PLA2G4C: variants seen among roughly 807,000 people sequenced by gnomAD.
The protein encoded by PLA2G4C is phospholipase A2 group IVC, also known as cytosolic phospholipase A2 gamma.
A neutral mutation model predicts 73.8 loss-of-function variants in PLA2G4C; 64 were observed. The observed-to-expected ratio is 0.87, with a 90% confidence interval of 0.71 to 1.07. The LOEUF (loss-of-function observed/expected upper bound fraction) is 1.07. Among genes scored for constraint, PLA2G4C ranks in the 50% least tolerant of loss-of-function variants. The pLI, the probability that PLA2G4C is intolerant of heterozygous loss-of-function variation, is 0.00. For missense variants in PLA2G4C, 622 were observed against 665.4 expected (o/e 0.93, Z 0.72); for synonymous variants, 254 against 252.1 (o/e 1.01, Z -0.07).
chr19:48,067,604 T>G (rs1968483480), intron 13 of PLA2G4C, among the ~76,000 whole-genome samples, 187 bp downstream of exon 13: 1 of 152,154 alleles, frequency 6.6e-6, no homozygotes, highest in Non-Finnish European at 1.5e-5. Context: ...GCCACACATT[T>G]TTCAGTATGG....
chr19:48,084,972 T>C, intron 10 of PLA2G4C, 87 bp downstream of exon 10: 1 of 957,638 alleles, frequency 1.0e-6, no homozygotes, highest in Non-Finnish European at 1.7e-6. Flanking sequence ...CACAGGCCTC[T>C]TTTCTGCCAC....
chr19:48,077,635 G>C, intron 11 of PLA2G4C, 136 bp downstream of exon 11: 1 of 589,530 alleles, frequency 1.7e-6, no homozygotes, highest in South Asian at 2.9e-5. Flanking sequence ...GCACCTGGGA[G>C]AGTCCATGCT....
chr19:48,079,798 T>C (rs2030423438), intron 10 of PLA2G4C, among the ~76,000 whole-genome samples: 1 of 152,086 alleles, frequency 6.6e-6, no homozygotes, highest in South Asian at 2.1e-4. Context: ...CCATCTCTAT[T>C]AAAAATACAA....
intron 2 of PLA2G4C, among the ~76,000 whole-genome samples, chr19:48,105,777 T>C (rs2032145053): frequency 6.8e-6 from 1 of 146,328 alleles, no homozygotes; most frequent in African/African-American, 2.6e-5. Context: ...CTGGCCAACA[T>C]GGTGACATAC....
In PLA2G4C at chr19:48,053,666, C is replaced by A. The variant is rs545437114; in HGVS notation, c.1430-519G>T. Among the ~76,000 whole-genome samples, 338 of 136,546 alleles carry A rather than the reference C, an allele frequency of 2.5e-3. 1 individual carries two copies. The highest frequency in any genetic ancestry group is 7.4e-3 in the Middle Eastern group (2 of 272). The allele number at this position is 136,546 out of a possible 152,430, so 89.6% of individuals were successfully genotyped here. A position where few individuals can be genotyped will look rare whatever the true frequency, so the allele number is the denominator to read the frequency against. On this transcript the variant is annotated intron_variant, in intron 15 of 16. Coordinates refer to ENST00000599921, the MANE Select transcript of PLA2G4C (RefSeq NM_003706.3). ...GGGATTACAGGCGTGAGCCACCGCGCCTGGCCCCCTGCTTCCTGTCTTCTT... is the reference window on the plus strand; with the variant it reads ...GGGATTACAGGCGTGAGCCACCGCGACTGGCCCCCTGCTTCCTGTCTTCTT...
At chr19:48,055,823 A>G (rs970127511) in intron 14 of PLA2G4C, among the ~76,000 whole-genome samples, 1 of 151,884 alleles carries the variant, frequency 6.6e-6, no homozygotes, top group Admixed American at 6.6e-5. Context: ...TAGTAGAGAC[A>G]GGGTTTCTCC....
chr19:48,059,923 C>A (rs1968105604), intron 14 of PLA2G4C, among the ~76,000 whole-genome samples: 1 of 151,856 alleles, frequency 6.6e-6, no homozygotes, highest in Non-Finnish European at 1.5e-5. Flanking sequence ...CACCTGCCAC[C>A]ACGCCCAGCT....
chr19:48,061,283 G>C (rs949022927), intron 14 of PLA2G4C: 4 of 151,924 alleles, frequency 2.6e-5, no homozygotes, highest in African/African-American at 9.7e-5. Flanking sequence ...CATGAGGGGA[G>C]GGGAAGGGAG....
intron 14 of PLA2G4C, among the ~76,000 whole-genome samples, chr19:48,059,736 A>T (rs1968094900): frequency 6.7e-6 from 1 of 148,688 alleles, no homozygotes; most frequent in South Asian, 2.1e-4. Context: ...TTGGCTACAG[A>T]CTGAAGGCTG....
rs201353294 is a variant in PLA2G4C, at chr19:48,103,040, C to CGTT, written c.257+1545_257+1547dup. The stretch of plus-strand genomic sequence containing the variant: ...CAAAGCTGTTGAAATATAAGGCTTT[C>CGTT]GTTGTTGTTGTTTGTAGAGATGGGG... On this transcript the variant is annotated intron_variant, in intron 4 of 16. Transcript: ENST00000599921. 5.9e-5 allele frequency among the ~76,000 whole-genome samples: 9 copies of CGTT among 152,224 alleles called. No homozygotes were observed. In the East Asian group the frequency reaches 1.7e-3, roughly 29 times the overall value.
At chr19:48,084,829 A>C (rs1463385250) in intron 10 of PLA2G4C, among the ~76,000 whole-genome samples, 2 of 152,226 alleles carry the variant, frequency 1.3e-5, no homozygotes, top group African/African-American at 2.4e-5. Context: ...CACAAAGCTC[A>C]CATGTACCAC....
intron 10 of PLA2G4C, among the ~76,000 whole-genome samples, chr19:48,079,743 GGGC>G (rs1358498755): frequency 2.0e-5 from 3 of 152,218 alleles, no homozygotes; most frequent in Non-Finnish European, 4.4e-5. Context: ...AGGCCCAGCT[GGGC>G]GGATCTTCAG....
At chr19:48,070,174 G>C (rs1968603630) in intron 12 of PLA2G4C, among the ~76,000 whole-genome samples, 1 of 152,188 alleles carries the variant, frequency 6.6e-6, no homozygotes, top group Non-Finnish European at 1.5e-5. Flanking sequence ...CCTGCCTATA[G>C]CACTTAGGAT....
intron 4 of PLA2G4C, among the ~76,000 whole-genome samples, chr19:48,102,965 G>A (rs2031991107): frequency 6.6e-6 from 1 of 152,190 alleles, no homozygotes; most frequent in Non-Finnish European, 1.5e-5. Context: ...GCACAAAGAA[G>A]TATGTCTGGG....
At chr19:48,049,357 GGAT>G (rs1235897614) in intron 16 of PLA2G4C, among the ~76,000 whole-genome samples, 4 of 152,068 alleles carry the variant, frequency 2.6e-5, no homozygotes, top group Non-Finnish European at 4.4e-5. Context: ...CTCTCCCTCA[GGAT>G]GCCTTCCCAG....
Position 48,109,561 on chromosome 19 carries a change from C to T in PLA2G4C, c.-33+926G>A, listed in dbSNP as rs190027812. Among the ~76,000 whole-genome samples, 29 of 152,288 alleles carry T rather than the reference C, an allele frequency of 1.9e-4. No homozygotes were observed. The East Asian group carries it at 4.1e-3, about 21-fold the overall frequency. Reference sequence around the variant, plus strand: ...CGCTGGGATTATAGGCATGAGTCATCGCACTCGGCCAGACATAGGCTCTTA... The same window carrying T: ...CGCTGGGATTATAGGCATGAGTCATTGCACTCGGCCAGACATAGGCTCTTA... On this transcript the variant is annotated intron_variant, in intron 1 of 16. Transcript: ENST00000599921.
At chr19:48,110,362 A>T in intron 1 of PLA2G4C, 125 bp downstream of exon 1, 1 of 610,390 alleles carries the variant, frequency 1.6e-6, no homozygotes, top group Non-Finnish European at 2.5e-6. Context: ...AAATAAATAA[A>T]TAAATAAAAT....
chr19:48,058,334 T>C (rs899535562), intron 14 of PLA2G4C, among the ~76,000 whole-genome samples: 1 of 151,526 alleles, frequency 6.6e-6, no homozygotes, highest in Non-Finnish European at 1.5e-5. Context: ...GATGGGGTCT[T>C]GCTATGTTGC....
intron 5 of PLA2G4C, among the ~76,000 whole-genome samples, chr19:48,099,097 CA>C (rs11366693): frequency 0.67 from 97,929 of 146,444 alleles, 32,579 homozygotes; most frequent in African/African-American, 0.75. Flanking sequence ...CCTGTCTCTA[CA>C]AAAAAAAAAA....
Sources: gnomAD v4.1 joint callset for allele counts (sites outside exome capture counted in the v4.1 genomes callset) on GRCh38, gnomAD v4.1.1 for gene constraint, MANE v1.5 for transcripts, NCBI Gene and HGNC (gene_info 2026-07-23, HGNC 2026-07-21) for gene names.